The following NEDD4 variants were observed in gnomAD, a reference collection of about 807,000 sequenced individuals.
NEDD4 encodes the protein NEDD4 E3 ubiquitin protein ligase.
In NEDD4, 99 loss-of-function variants were observed where a neutral mutation model predicts 144.9. The ratio of observed to expected loss-of-function variants is 0.68; its 90% confidence interval spans 0.58 to 0.81. The LOEUF is 0.81. Among genes scored for constraint, NEDD4 ranks in the 30% least tolerant of loss-of-function variants. NEDD4 has a pLI of 0.00. For missense variants in NEDD4, 985 were observed against 1,065.9 expected (o/e 0.92, Z 1.06); for synonymous variants, 318 against 350.6 (o/e 0.91, Z 1.04).
chr15:55,830,045 A>C (rs200812282), intron 28 of NEDD4, 46 bp from the exon 29 acceptor site: 221 of 1,323,312 alleles, frequency 1.7e-4, no homozygotes, highest in Non-Finnish European at 9.7e-6. Flanking sequence ...CTGACAAAGC[A>C]AGTACCACCA....
chr15:55,918,525 CTAAG>C (rs2036507764), intron 5 of NEDD4, among the ~76,000 whole-genome samples: 2 of 151,586 alleles, frequency 1.3e-5, no homozygotes, highest in African/African-American at 4.8e-5. Context: ...TTGTATTTTG[CTAAG>C]TAAGTTTTTT....
intron 1 of NEDD4, among the ~76,000 whole-genome samples, chr15:55,972,334 C>A (rs2037625630): frequency 6.6e-6 from 1 of 151,938 alleles, no homozygotes; most frequent in South Asian, 2.1e-4. Context: ...AAGTCATAGA[C>A]AATATAATAA....
chr15:55,988,487 T>TAAAAAAAAAAAAAA (rs56688563), intron 1 of NEDD4, among the ~76,000 whole-genome samples: 35 of 101,700 alleles, frequency 3.4e-4, no homozygotes, highest in African/African-American at 5.0e-4. Context: ...AAAAAAAAAT[T>TAAAAAAAAAAAAAA]AAAAAAAAAA....
intron 1 of NEDD4, among the ~76,000 whole-genome samples, chr15:55,970,630 C>A (rs2037591702): frequency 6.6e-6 from 1 of 152,164 alleles, no homozygotes; most frequent in Admixed American, 6.5e-5. Context: ...GAACAAGAGT[C>A]TCTGCCTGGT....
intron 18 of NEDD4, among the ~76,000 whole-genome samples, chr15:55,844,223 G>GA (rs1282729133): frequency 2.0e-5 from 3 of 152,014 alleles, no homozygotes; most frequent in Admixed American, 6.6e-5. Flanking sequence ...GATTATAGGG[G>GA]AAAAATGCAA....
intron 1 of NEDD4, among the ~76,000 whole-genome samples, chr15:55,976,835 G>A (rs1253464383): frequency 3.3e-5 from 5 of 151,856 alleles, no homozygotes; most frequent in East Asian, 1.9e-4. Context: ...GGGTTTCACC[G>A]TGTTAGCAAG....
intron 8 of NEDD4, among the ~76,000 whole-genome samples, chr15:55,865,904 T>C (rs1393549063): frequency 2.0e-5 from 3 of 151,668 alleles, no homozygotes; most frequent in Non-Finnish European, 2.9e-5. Context: ...ATAAATTATT[T>C]TGGGAGAAAA....
chr15:55,897,580 C>T (rs1021795275), intron 5 of NEDD4, among the ~76,000 whole-genome samples: 1 of 152,154 alleles, frequency 6.6e-6, no homozygotes, highest in African/African-American at 2.4e-5. Flanking sequence ...TAGTGAGGGT[C>T]GAATGACCTG....
chr15:55,932,159 G>C (rs1476725099), intron 4 of NEDD4, among the ~76,000 whole-genome samples: 1 of 152,136 alleles, frequency 6.6e-6, no homozygotes, highest in Non-Finnish European at 1.5e-5. Flanking sequence ...TGCTGTTTTC[G>C]TGATAGTGAG....
chr15:55,973,224 CAT>C (rs2037641518), intron 1 of NEDD4, among the ~76,000 whole-genome samples: 1 of 152,124 alleles, frequency 6.6e-6, no homozygotes, highest in African/African-American at 2.4e-5. Context: ...GGATAAACCA[CAT>C]GTTAGCCACA....
rs145645599 is a variant in NEDD4 at position 55,924,897 on chromosome 15, G to A, written c.238-198C>T. 5.0e-4 allele frequency among the ~76,000 whole-genome samples: 76 copies of A among 152,154 alleles called. 1 individual carries two copies. The East Asian group carries it at 0.012, about 25-fold the overall frequency. ...AGCCTGGCCAACATGGTGAAACCTC[G>A]TCTCTACTAAAAATACAAAAATGAG... On this transcript the variant is annotated intron_variant, in intron 4 of 28. Coordinates refer to ENST00000435532, the MANE Select transcript of NEDD4 (RefSeq NM_006154.4).
At chr15:55,902,012 A>T (rs1458187221) in intron 5 of NEDD4, among the ~76,000 whole-genome samples, 1 of 152,140 alleles carries the variant, frequency 6.6e-6, no homozygotes, top group Non-Finnish European at 1.5e-5. Context: ...TCTGCCTAGG[A>T]ATGAGTAAGG....
intron 1 of NEDD4, chr15:55,988,113 G>A (rs2037924177): frequency 6.9e-6 from 1 of 145,578 alleles, no homozygotes; most frequent in Admixed American, 6.9e-5. Context: ...AGAAAATGTG[G>A]CACATATACA....
intron 4 of NEDD4, among the ~76,000 whole-genome samples, chr15:55,934,247 C>T (rs1428570992): frequency 5.3e-5 from 8 of 152,286 alleles, no homozygotes; most frequent in South Asian, 2.1e-4. Context: ...GCTTCTTTCA[C>T]TTAGTATAAT....
rs532191249 is a variant in NEDD4 at position 55,882,824 on chromosome 15, C to T, written c.292-8816G>A. Among the ~76,000 whole-genome samples, 12 of 152,336 alleles carry T rather than the reference C, an allele frequency of 7.9e-5. 1 individual carries two copies. The East Asian group carries it at 2.3e-3, about 29-fold the overall frequency. ...CTTTGTCTTACAACCTGGATACCAG[C>T]TCAGCCATAGTAGGCTAGGACACTT... On this transcript the variant is annotated intron_variant, in intron 5 of 28. Coordinates refer to ENST00000435532, the MANE Select transcript of NEDD4 (RefSeq NM_006154.4).
chr15:55,955,043 CAG>C (rs1412047355), intron 2 of NEDD4, among the ~76,000 whole-genome samples: 3 of 152,182 alleles, frequency 2.0e-5, no homozygotes, highest in South Asian at 2.1e-4. Context: ...TTTTTTGAGA[CAG>C]AGTCTTGCAA....
intron 24 of NEDD4, among the ~76,000 whole-genome samples, chr15:55,836,247 A>C (rs11630780): frequency 0.4 from 60,960 of 151,652 alleles, 12,485 homozygotes; most frequent in South Asian, 0.48. Context: ...CATCATACAT[A>C]CCTTAATAAC....
At chr15:55,913,838 A>G (rs1417188287) in intron 5 of NEDD4, among the ~76,000 whole-genome samples, 1 of 152,034 alleles carries the variant, frequency 6.6e-6, no homozygotes, top group East Asian at 1.9e-4. Flanking sequence ...ATATTTCTAC[A>G]TGAATTATTC....
chr15:55,945,525 A>G (rs1171598732), intron 4 of NEDD4, among the ~76,000 whole-genome samples: 2 of 152,060 alleles, frequency 1.3e-5, no homozygotes, highest in Non-Finnish European at 2.9e-5. Flanking sequence ...GAAAAGACCA[A>G]CTCTATGTTT....
Sources: gnomAD v4.1 joint callset for allele counts (sites outside exome capture counted in the v4.1 genomes callset) on GRCh38, gnomAD v4.1.1 for gene constraint, MANE v1.5 for transcripts, NCBI Gene and HGNC (gene_info 2026-07-23, HGNC 2026-07-21) for gene names.